The following SNX29 variants were observed in gnomAD, a reference collection of about 807,000 sequenced individuals.
The protein encoded by SNX29 is sorting nexin-29.
SNX29 carries 78 observed loss-of-function variants against 102.1 expected under a neutral mutation model. The observed-to-expected ratio is 0.76, with a 90% CI of 0.64 to 0.92. The LOEUF is 0.92. Among genes scored for constraint, SNX29 ranks in the 40% least tolerant of loss-of-function variants. The pLI, the probability that SNX29 is intolerant of heterozygous loss-of-function variation, is 0.00. For missense variants in SNX29, 1,280 were observed against 1,061.7 expected (o/e 1.21, Z -2.86); for synonymous variants, 580 against 414.5 (o/e 1.40, Z -4.85).
intron 13 of SNX29, among the ~76,000 whole-genome samples, chr16:12,145,120 A>AT (rs2055012831): frequency 6.6e-6 from 1 of 152,148 alleles, no homozygotes; most frequent in South Asian, 2.1e-4. Context: ...ATGGTTTCAG[A>AT]TTAAGATATA....
At chr16:12,055,925 C>G (rs2050502146) in intron 8 of SNX29, among the ~76,000 whole-genome samples, 1 of 152,120 alleles carries the variant, frequency 6.6e-6, no homozygotes, top group Admixed American at 6.5e-5. Flanking sequence ...CTCCATGGCC[C>G]CGGCTGTAGT....
chr16:12,291,949 T>G (rs869289), intron 15 of SNX29, among the ~76,000 whole-genome samples: 93,809 of 152,120 alleles, frequency 0.62, 29,698 homozygotes, highest in African/African-American at 0.72. Context: ...TGCCTTCGGG[T>G]GCTCACAGCC....
intron 14 of SNX29, among the ~76,000 whole-genome samples, chr16:12,208,648 G>C (rs966199328): frequency 2.6e-5 from 4 of 152,048 alleles, no homozygotes; most frequent in African/African-American, 4.8e-5. Context: ...CTGTAGTCTG[G>C]ATGACGGAGC....
intron 1 of SNX29, among the ~76,000 whole-genome samples, chr16:11,981,988 T>C (rs1304286399): frequency 6.6e-6 from 1 of 151,954 alleles, no homozygotes; most frequent in Non-Finnish European, 1.5e-5. Context: ...GAGGATTGCT[T>C]GAGTCCAGGA....
chr16:12,457,616 T>C (rs564789913), intron 18 of SNX29, among the ~76,000 whole-genome samples: 3 of 152,364 alleles, frequency 2.0e-5, no homozygotes, highest in South Asian at 2.1e-4. Context: ...TCTGGGTCTT[T>C]GGGCAAGGCC....
At chr16:12,488,862 C>T (rs2088389945) in intron 19 of SNX29, among the ~76,000 whole-genome samples, 1 of 152,174 alleles carries the variant, frequency 6.6e-6, no homozygotes. Context: ...CAGCTTGCCC[C>T]ACTTCACTCA....
Position 12,297,550 on chromosome 16 carries a change from G to C in SNX29, c.1782+19514G>C, listed in dbSNP as rs1596805811. Among the ~76,000 whole-genome samples the C allele has an allele frequency of 2.0e-5, 3 of 151,816 alleles. No individual in the cohort carries two copies. The South Asian group carries it at 6.3e-4, about 32-fold the overall frequency. On this transcript the variant is annotated intron_variant, in intron 15 of 20. Coordinates refer to ENST00000566228, the MANE Select transcript of SNX29 (RefSeq NM_032167.5). ...CTCTCCTACTTGAAATTTGCTAAGA[G>C]AGATCTGAGGTGTCCTCAGCACCCC...
intron 3 of SNX29, among the ~76,000 whole-genome samples, chr16:12,011,563 C>G (rs1026895780): frequency 7.2e-5 from 11 of 152,150 alleles, no homozygotes; most frequent in African/African-American, 2.7e-4. Flanking sequence ...GCGTGAGTCA[C>G]TATGCCTGGC....
At chr16:12,469,291 G>A (rs2087223328) in intron 18 of SNX29, among the ~76,000 whole-genome samples, 1 of 152,168 alleles carries the variant, frequency 6.6e-6, no homozygotes, top group Admixed American at 6.5e-5. Context: ...TATCGGCATG[G>A]CCATACAATA....
chr16:12,077,193 C>A (rs1419123430), intron 10 of SNX29, among the ~76,000 whole-genome samples: 1 of 151,958 alleles, frequency 6.6e-6, no homozygotes, highest in Non-Finnish European at 1.5e-5. Context: ...GTGGGAAGAT[C>A]ACTTGAACCC....
At chr16:12,225,430 C>G (rs1335535845) in intron 14 of SNX29, among the ~76,000 whole-genome samples, 6 of 152,122 alleles carry the variant, frequency 3.9e-5, no homozygotes, top group Non-Finnish European at 8.8e-5. Flanking sequence ...GTGAATAAGT[C>G]TCATGAGATC....
intron 20 of SNX29, among the ~76,000 whole-genome samples, chr16:12,559,745 C>T (rs1463944500): frequency 3.9e-5 from 6 of 152,130 alleles, no homozygotes; most frequent in Non-Finnish European, 8.8e-5. Context: ...AATAGTGATG[C>T]CCAGCCTGAC....
intron 13 of SNX29, among the ~76,000 whole-genome samples, chr16:12,170,747 A>AGT (rs1025266066): frequency 4.3e-5 from 6 of 140,378 alleles, no homozygotes; most frequent in African/African-American, 1.5e-4. Flanking sequence ...TGAGTGAGTG[A>AGT]GTGTGTGTGT....
At chr16:12,148,459 C>T (rs1473064297) in intron 13 of SNX29, among the ~76,000 whole-genome samples, 1 of 152,126 alleles carries the variant, frequency 6.6e-6, no homozygotes, top group East Asian at 1.9e-4. Flanking sequence ...AGGGAGTTGA[C>T]GTTAGCTACA....
chr16:12,082,820 A>C (rs182657616), intron 11 of SNX29, among the ~76,000 whole-genome samples: 119 of 152,160 alleles, frequency 7.8e-4, no homozygotes, highest in African/African-American at 2.8e-3. Flanking sequence ...GTCATCCAGC[A>C]CAGATGAGGG....
chr16:12,028,590 C>G (rs138560346), intron 4 of SNX29, among the ~76,000 whole-genome samples: 1 of 151,986 alleles, frequency 6.6e-6, no homozygotes, highest in Non-Finnish European at 1.5e-5. Flanking sequence ...TCTCAAACTC[C>G]TAGGCTCAAG....
intron 14 of SNX29, among the ~76,000 whole-genome samples, chr16:12,214,023 G>C (rs10500378): frequency 3.9e-4 from 59 of 152,176 alleles, no homozygotes; most frequent in African/African-American, 1.3e-3. Context: ...GTCATCAAAT[G>C]TTGGGTCATA....
At chr16:12,078,633 G>T (rs2051706211) in intron 10 of SNX29, among the ~76,000 whole-genome samples, 200 bp from the exon 11 acceptor site, 1 of 152,170 alleles carries the variant, frequency 6.6e-6, no homozygotes, top group African/African-American at 2.4e-5. Context: ...TGACTTTGGG[G>T]TTACAAATAA....
chr16:12,530,128 G>T (rs1032503926), intron 20 of SNX29, among the ~76,000 whole-genome samples: 1 of 152,182 alleles, frequency 6.6e-6, no homozygotes, highest in East Asian at 1.9e-4. Context: ...TCAACCACTT[G>T]GCCCTCTAAG....
Sources: gnomAD v4.1 joint callset for allele counts (sites outside exome capture counted in the v4.1 genomes callset) on GRCh38, gnomAD v4.1.1 for gene constraint, MANE v1.5 for transcripts, NCBI Gene and HGNC (gene_info 2026-07-23, HGNC 2026-07-21) for gene names.